The following SLC9A9 variants were observed in gnomAD, a reference collection of about 807,000 sequenced individuals.
SLC9A9 encodes the protein sodium/hydrogen exchanger 9.
SLC9A9 carries 62 observed loss-of-function variants against 77.8 expected under a neutral mutation model. That is an observed-to-expected ratio of 0.80 (90% CI 0.65 to 0.98). The LOEUF is 0.98. Among genes scored for constraint, SLC9A9 ranks in the 50% least tolerant of loss-of-function variants. The pLI is 0.00. For synonymous variants in SLC9A9, 320 were observed against 283.5 expected (o/e 1.13, Z -1.29); for missense variants, 775 against 774.9 (o/e 1.00, Z 0.00).
chr3:143,580,630 A>C (rs1397323368), intron 6 of SLC9A9, among the ~76,000 whole-genome samples: 1 of 152,242 alleles, frequency 6.6e-6, no homozygotes, highest in Non-Finnish European at 1.5e-5. Flanking sequence ...AAAAATAGGT[A>C]ATTTAGAAAA....
chr3:143,669,108 G>A (rs1485400048), intron 5 of SLC9A9, among the ~76,000 whole-genome samples: 1 of 152,168 alleles, frequency 6.6e-6, no homozygotes, highest in South Asian at 2.1e-4. Flanking sequence ...AATCCAGAGA[G>A]TGAGTGCCTT....
At chr3:143,649,590 C>T (rs1475154955) in intron 6 of SLC9A9, among the ~76,000 whole-genome samples, 1 of 152,092 alleles carries the variant, frequency 6.6e-6, no homozygotes, top group Non-Finnish European at 1.5e-5. Context: ...AGAAAAGCTG[C>T]TTTAATCTAA....
At chr3:143,408,741 A>G (rs540200591) in intron 12 of SLC9A9, among the ~76,000 whole-genome samples, 33 of 152,254 alleles carry the variant, frequency 2.2e-4, no homozygotes, top group Non-Finnish European at 4.1e-4. Flanking sequence ...GTATCATAAC[A>G]AGCAAGTAAT....
chr3:143,366,789 G>A (rs1385138338), intron 13 of SLC9A9, among the ~76,000 whole-genome samples: 1 of 152,096 alleles, frequency 6.6e-6, no homozygotes, highest in African/African-American at 2.4e-5. Context: ...GAATACTGAG[G>A]CCCCTAAGCA....
At chr3:143,319,104 T>C (rs1289990987) in intron 14 of SLC9A9, among the ~76,000 whole-genome samples, 1 of 152,224 alleles carries the variant, frequency 6.6e-6, no homozygotes, top group African/African-American at 2.4e-5. Context: ...AAGTGGCAGC[T>C]AATACAATAA....
intron 5 of SLC9A9, among the ~76,000 whole-genome samples, chr3:143,674,742 TATATG>T (rs2039212046): frequency 6.6e-6 from 1 of 152,132 alleles, no homozygotes; most frequent in Admixed American, 6.5e-5. Flanking sequence ...GAGGAGGAAC[TATATG>T]ATAAGGGAAG....
chr3:143,388,068 A>G (rs993077675), intron 12 of SLC9A9, among the ~76,000 whole-genome samples: 4 of 152,172 alleles, frequency 2.6e-5, no homozygotes, highest in Non-Finnish European at 4.4e-5. Context: ...CAAAGTGTAA[A>G]AAAATGACAT....
chr3:143,846,582 G>C (rs977075584), intron 1 of SLC9A9, among the ~76,000 whole-genome samples: 1 of 152,024 alleles, frequency 6.6e-6, no homozygotes, highest in African/African-American at 2.4e-5. Context: ...GGCTGGGAAT[G>C]GTGGCTCATG....
chr3:143,832,196 T>C lies in SLC9A9; in HGVS notation c.201A>G (p.Arg67=), dbSNP rs1291693048. Residue 67 remains arginine, a synonymous_variant, in exon 2 of 16, where the codon CGA becomes CGG. Coordinates refer to ENST00000316549, the MANE Select transcript of SLC9A9 (RefSeq NM_173653.4). ...VYGLIMGLIL[R]YATAPTDIES... ...CAATATCAGTTGGTGCTGTAGCATA[T>C]CGTAAAATTAGTCCCATTATAAGGC... 2 of 1,612,266 alleles carry C rather than the reference T, an allele frequency of 1.2e-6. No homozygotes were observed. The highest frequency in any genetic ancestry group is 2.7e-5 in the African/African-American group (2 of 74,806).
chr3:143,567,500 T>C (rs929786888), intron 8 of SLC9A9, among the ~76,000 whole-genome samples: 6 of 152,150 alleles, frequency 3.9e-5, no homozygotes, highest in Non-Finnish European at 7.4e-5. Context: ...GTTTTCTCAA[T>C]GCACTTGTAT....
intron 5 of SLC9A9, among the ~76,000 whole-genome samples, chr3:143,666,994 A>G (rs1249098104): frequency 6.6e-6 from 1 of 152,214 alleles, no homozygotes; most frequent in Non-Finnish European, 1.5e-5. Flanking sequence ...TAAAGTTCAT[A>G]TGGAACCAAA....
At chr3:143,777,300 T>C (rs2007722476) in intron 4 of SLC9A9, among the ~76,000 whole-genome samples, 1 of 152,168 alleles carries the variant, frequency 6.6e-6, no homozygotes, top group Non-Finnish European at 1.5e-5. Context: ...TAAACCAAAT[T>C]CTAAGTATCA....
chr3:143,817,461 A>G (rs1043864600), intron 2 of SLC9A9, among the ~76,000 whole-genome samples: 2 of 152,190 alleles, frequency 1.3e-5, no homozygotes, highest in Non-Finnish European at 2.9e-5. Flanking sequence ...AGTTTATTTT[A>G]TTGTAGTAAA....
intron 4 of SLC9A9, among the ~76,000 whole-genome samples, chr3:143,704,353 C>A (rs372962741): frequency 4.6e-5 from 7 of 152,086 alleles, no homozygotes; most frequent in African/African-American, 1.7e-4. Context: ...AATTCAATAA[C>A]GCACTGAAAA....
At chr3:143,592,138 A>T (rs559818034) in intron 6 of SLC9A9, among the ~76,000 whole-genome samples, 11 of 152,250 alleles carry the variant, frequency 7.2e-5, no homozygotes, top group Non-Finnish European at 1.3e-4. Flanking sequence ...ACAGTAGAAC[A>T]AGGAGGGAGT....
At chr3:143,765,138 T>G (rs1047867456) in intron 4 of SLC9A9, among the ~76,000 whole-genome samples, 14 of 151,278 alleles carry the variant, frequency 9.3e-5, no homozygotes, top group African/African-American at 3.2e-4. Context: ...TTTCTTTCTT[T>G]TTCTTTCTTT....
chr3:143,838,420 G>A (rs2009627355), intron 1 of SLC9A9, among the ~76,000 whole-genome samples: 1 of 152,180 alleles, frequency 6.6e-6, no homozygotes, highest in Admixed American at 6.5e-5. Context: ...GGGAGAGGGT[G>A]TTGGCAAGGT....
At chr3:143,468,184 C>T (rs2035317873) in intron 11 of SLC9A9, among the ~76,000 whole-genome samples, 1 of 152,072 alleles carries the variant, frequency 6.6e-6, no homozygotes, top group Non-Finnish European at 1.5e-5. Flanking sequence ...AGATATATGC[C>T]CAGGAGTACA....
At chr3:143,784,446 G>T (rs148559573) in intron 4 of SLC9A9, among the ~76,000 whole-genome samples, 202 of 152,110 alleles carry the variant, frequency 1.3e-3, no homozygotes, top group Non-Finnish European at 1.0e-3. Flanking sequence ...TTGATACTCT[G>T]GCATGTTTCA....
Sources: allele counts gnomAD v4.1 joint callset (sites outside exome capture counted in the v4.1 genomes callset), GRCh38; gene constraint gnomAD v4.1.1; transcripts MANE v1.5; gene names NCBI Gene and HGNC (gene_info 2026-07-23, HGNC 2026-07-21).